Variants in C8orf34 observed in about 807,000 individuals in gnomAD.
The protein encoded by C8orf34 is uncharacterized protein C8orf34.
C8orf34 carries 65 observed loss-of-function variants against 68.3 expected under a neutral mutation model. That is an observed-to-expected ratio of 0.95 (90% CI 0.78 to 1.17). C8orf34 has a LOEUF of 1.17. C8orf34 is among the 50% of genes most tolerant of loss of function. The pLI, the probability that C8orf34 is intolerant of heterozygous loss-of-function variation, is 0.00. For synonymous variants in C8orf34, 244 were observed against 241.2 expected (o/e 1.01, Z -0.11); for missense variants, 664 against 655.4 (o/e 1.01, Z -0.14).
At chr8:68,336,820 G>A (rs947324843) in intron 1 of C8orf34, among the ~76,000 whole-genome samples, 12 of 152,078 alleles carry the variant, frequency 7.9e-5, no homozygotes, top group African/African-American at 2.4e-4. Flanking sequence ...CAAAAAGTAA[G>A]GAAGAGCTCA....
intron 10 of C8orf34, among the ~76,000 whole-genome samples, chr8:68,724,863 AT>A (rs1002429630): frequency 2.6e-4 from 40 of 151,772 alleles, no homozygotes; most frequent in African/African-American, 9.4e-4. Flanking sequence ...TGGCTTTCTT[AT>A]TTTTTTTCTT....
At chr8:68,464,605 T>C (rs906582471) in intron 3 of C8orf34, among the ~76,000 whole-genome samples, 1 of 152,018 alleles carries the variant, frequency 6.6e-6, no homozygotes, top group Non-Finnish European at 1.5e-5. Flanking sequence ...AACAGAGATA[T>C]TGATCAATGG....
intron 5 of C8orf34, among the ~76,000 whole-genome samples, chr8:68,513,109 T>G (rs924035530): frequency 1.1e-4 from 17 of 152,324 alleles, no homozygotes; most frequent in African/African-American, 4.1e-4. Flanking sequence ...CATATTTTAG[T>G]TCACCTACGT....
At chr8:68,772,045 C>T (rs1350882854) in intron 10 of C8orf34, among the ~76,000 whole-genome samples, 1 of 152,118 alleles carries the variant, frequency 6.6e-6, no homozygotes, top group Non-Finnish European at 1.5e-5. Context: ...TAGAAATGCC[C>T]TGGCCATTCA....
At chr8:68,350,896 T>C (rs1458282501) in intron 1 of C8orf34, among the ~76,000 whole-genome samples, 1 of 152,030 alleles carries the variant, frequency 6.6e-6, no homozygotes, top group Non-Finnish European at 1.5e-5. Context: ...TACCGTTAGG[T>C]CTTGCTTTTT....
intron 9 of C8orf34, among the ~76,000 whole-genome samples, chr8:68,720,208 G>A (rs1821631848): frequency 6.6e-6 from 1 of 151,860 alleles, no homozygotes. Flanking sequence ...TTTTATGGTG[G>A]AAGGTATTCT....
At chr8:68,525,085 T>A (rs1364501342) in intron 6 of C8orf34, among the ~76,000 whole-genome samples, 5 of 152,164 alleles carry the variant, frequency 3.3e-5, no homozygotes, top group Non-Finnish European at 7.4e-5. Context: ...CTAAATTCAC[T>A]TCCCATTAGG....
chr8:68,533,512 T>C (rs117419400), intron 7 of C8orf34: 637 of 989,988 alleles, frequency 6.4e-4, no homozygotes, highest in Non-Finnish European at 7.3e-4. Flanking sequence ...ATACCCAAAG[T>C]ACATATTTCA....
intron 7 of C8orf34, among the ~76,000 whole-genome samples, chr8:68,601,410 T>G (rs1443697746): frequency 6.6e-6 from 1 of 152,118 alleles, no homozygotes; most frequent in Non-Finnish European, 1.5e-5. Context: ...CTGTTTTTTT[T>G]GTCTTATTTT....
intron 1 of C8orf34, among the ~76,000 whole-genome samples, chr8:68,384,502 G>T (rs1468532347): frequency 1.3e-5 from 2 of 152,158 alleles, no homozygotes; most frequent in Non-Finnish European, 2.9e-5. Flanking sequence ...AGATTAATTG[G>T]TTAATAGTAA....
At position 68,794,506 on chromosome 8, in the gene C8orf34, T is replaced by TATA. The variant is rs58048066; in HGVS notation, c.1549+6970_1549+6971insATA. On this transcript the variant is annotated intron_variant, in intron 12 of 13. Transcript: ENST00000518698. ...AAATATATATATATATATATATATA[T>TATA]TTTTTTTTTTTTTTTTTAGACAGGC... Among the ~76,000 whole-genome samples, 376 of 58,830 alleles carry TATA rather than the reference T, an allele frequency of 6.4e-3. 4 individuals are homozygous for TATA. Among genetic ancestry groups the TATA allele is most frequent in the African/African-American group, 0.034 (321 of 9,402 alleles). The allele number at this position is 58,830 out of a possible 152,430, so 38.6% of individuals were successfully genotyped here. A position where few individuals can be genotyped will look rare whatever the true frequency, so the allele number is the denominator to read the frequency against.
chr8:68,500,499 T>C (rs1234499000), intron 5 of C8orf34, among the ~76,000 whole-genome samples: 2 of 152,222 alleles, frequency 1.3e-5, no homozygotes, highest in African/African-American at 2.4e-5. Context: ...TATTGTATTA[T>C]TATACTTTGA....
chr8:68,791,717 A>G (rs995888531), intron 12 of C8orf34: 9 of 152,202 alleles, frequency 5.9e-5, no homozygotes, highest in African/African-American at 2.2e-4. Flanking sequence ...TTTGGGTCCT[A>G]GTTCTTCCTG....
intron 8 of C8orf34, among the ~76,000 whole-genome samples, chr8:68,699,395 G>A (rs189692866): frequency 3.3e-5 from 5 of 152,034 alleles, no homozygotes; most frequent in African/African-American, 7.2e-5. Flanking sequence ...CAGATATTCT[G>A]TTTGGCTGCT....
intron 10 of C8orf34, among the ~76,000 whole-genome samples, chr8:68,751,882 AATT>A (rs1175611927): frequency 2.0e-5 from 3 of 151,292 alleles, no homozygotes; most frequent in East Asian, 1.9e-4. Context: ...AATTTTAAAA[AATT>A]ATTATATTAC....
rs77392402 is a variant in C8orf34, at chr8:68,450,694, C to A, written c.607+4234C>A. 9.7e-3 allele frequency among the ~76,000 whole-genome samples: 1,476 copies of A among 152,158 alleles called. 25 individuals are homozygous for A. Among genetic ancestry groups the A allele is most frequent in the African/African-American group, 0.032 (1,346 of 41,556 alleles). ...TCTTCTTAGCAGTAGGTCTCAAGAT[C>A]GGGCTTAAAATGATCAGTAAACCAT... On this transcript the variant is annotated intron_variant, in intron 3 of 13. Transcript: ENST00000518698.
At chr8:68,477,856 C>T (rs1207016190) in intron 4 of C8orf34, among the ~76,000 whole-genome samples, 2 of 152,186 alleles carry the variant, frequency 1.3e-5, no homozygotes, top group Non-Finnish European at 2.9e-5. Flanking sequence ...AAGCAACAGC[C>T]TTTGGTCCCT....
intron 5 of C8orf34, among the ~76,000 whole-genome samples, chr8:68,508,699 T>C (rs188777861): frequency 9.2e-5 from 14 of 152,298 alleles, no homozygotes; most frequent in Non-Finnish European, 1.6e-4. Context: ...ATGTTTTGCA[T>C]CTGCCTTTTG....
intron 4 of C8orf34, among the ~76,000 whole-genome samples, chr8:68,485,134 C>A (rs949073931): frequency 1.3e-5 from 2 of 152,138 alleles, no homozygotes; most frequent in African/African-American, 4.8e-5. Flanking sequence ...TTTTCCAGCC[C>A]TGAAAAACAG....
Sources: allele counts gnomAD v4.1 joint callset (sites outside exome capture counted in the v4.1 genomes callset), GRCh38; gene constraint gnomAD v4.1.1; transcripts MANE v1.5; gene names NCBI Gene and HGNC (gene_info 2026-07-23, HGNC 2026-07-21).